The following USP37 variants were observed in gnomAD, a reference collection of about 807,000 sequenced individuals.
The protein encoded by USP37 is ubiquitin carboxyl-terminal hydrolase 37.
Under a neutral mutation model 124.0 loss-of-function variants are expected in USP37, and 27 were observed. The observed-to-expected ratio is 0.22, with a 90% confidence interval of 0.16 to 0.30. The LOEUF (loss-of-function observed/expected upper bound fraction) is 0.30, where lower values mean the gene tolerates loss of function less well. Among genes scored for constraint, USP37 ranks in the 10% least tolerant of loss-of-function variants. USP37 has a pLI of 1.00. For synonymous variants in USP37, 365 were observed against 388.0 expected, an observed-to-expected ratio of 0.94 and a Z score of 0.70; for missense variants, 889 against 1,140.4, an observed-to-expected ratio of 0.78 and a Z score of 3.17.
At chr2:218,470,801 G>GC (rs2106415394) in intron 20 of USP37, among the ~76,000 whole-genome samples, 1 of 152,266 alleles carries the variant, frequency 6.6e-6, no homozygotes. Flanking sequence ...TCACAAAACA[G>GC]CCCAACTGTT....
At chr2:218,503,438 T>C (rs1689501317) in intron 11 of USP37, among the ~76,000 whole-genome samples, 1 of 152,224 alleles carries the variant, frequency 6.6e-6, no homozygotes. Context: ...TAAAATGGGC[T>C]GGGCGCGGTG....
At chr2:218,525,657 T>G (rs1392022701) in intron 10 of USP37, among the ~76,000 whole-genome samples, 1 of 152,244 alleles carries the variant, frequency 6.6e-6, no homozygotes, top group African/African-American at 2.4e-5. Flanking sequence ...ATGTATTTTC[T>G]TTCGGGTAGC....
intron 14 of USP37, among the ~76,000 whole-genome samples, chr2:218,493,058 C>T (rs558020984): frequency 6.6e-6 from 1 of 151,868 alleles, no homozygotes; most frequent in Non-Finnish European, 1.5e-5. Context: ...TATTAATACA[C>T]TGAATTGCCT....
intron 1 of USP37, among the ~76,000 whole-genome samples, chr2:218,567,431 AAC>A (rs576900890): frequency 8.1e-4 from 123 of 152,286 alleles, no homozygotes; most frequent in Non-Finnish European, 1.4e-3. Context: ...GCAGATGACA[AAC>A]ACATACACAC....
At chr2:218,459,605 TG>T (rs1413497531) in intron 23 of USP37, among the ~76,000 whole-genome samples, 184 bp downstream of exon 23, 3 of 152,296 alleles carry the variant, frequency 2.0e-5, no homozygotes, top group African/African-American at 7.2e-5. Context: ...TTTGTTTGTT[TG>T]TTTTTTTAAA....
At chr2:218,565,237 TC>T (rs1489491646) in intron 1 of USP37, among the ~76,000 whole-genome samples, 1 of 152,212 alleles carries the variant, frequency 6.6e-6, no homozygotes, top group Non-Finnish European at 1.5e-5. Flanking sequence ...ATTAATATTT[TC>T]TTTGTCATTC....
At chr2:218,547,351 T>C (rs1248524391) in intron 6 of USP37, among the ~76,000 whole-genome samples, 2 of 152,106 alleles carry the variant, frequency 1.3e-5, no homozygotes, top group Admixed American at 1.3e-4. Context: ...AAAATACAAA[T>C]GGAGATACAT....
intron 22 of USP37, 101 bp downstream of exon 22, chr2:218,463,186 ACACACACACACACACACAC>A (rs1690118666): frequency 1.2e-5 from 1 of 80,754 alleles, no homozygotes; most frequent in African/African-American, 1.7e-4. Flanking sequence ...ACACACACAC[ACACACACACACACACACAC>A]ACACACACAC....
intron 10 of USP37, among the ~76,000 whole-genome samples, chr2:218,517,963 C>T (rs1416534552): frequency 6.6e-6 from 1 of 151,928 alleles, no homozygotes; most frequent in Non-Finnish European, 1.5e-5. Flanking sequence ...TTCCCCCCAC[C>T]CCTTTTTTTT....
intron 14 of USP37, among the ~76,000 whole-genome samples, chr2:218,491,242 T>C (rs976257428): frequency 1.3e-5 from 2 of 152,142 alleles, no homozygotes; most frequent in Non-Finnish European, 2.9e-5. Context: ...GATGTATACT[T>C]CCTACTAGCC....
chr2:218,487,507 C>CA (rs754295365), intron 15 of USP37, among the ~76,000 whole-genome samples: 1 of 151,990 alleles, frequency 6.6e-6, no homozygotes, highest in Non-Finnish European at 1.5e-5. Context: ...TGCAACCTCC[C>CA]ACTCCCAGGT....
At chr2:218,562,025 T>G (rs1233606562) in intron 2 of USP37, among the ~76,000 whole-genome samples, 1 of 152,210 alleles carries the variant, frequency 6.6e-6, no homozygotes, top group African/African-American at 2.4e-5. Flanking sequence ...ATTTACACAT[T>G]ACCCTCTTTA....
At chr2:218,471,328 T>G (rs981966311) in intron 20 of USP37, among the ~76,000 whole-genome samples, 1 of 152,208 alleles carries the variant, frequency 6.6e-6, no homozygotes, top group African/African-American at 2.4e-5. Flanking sequence ...TAATGACTTC[T>G]GTAAGTGGGC....
chr2:218,524,859 C>T (rs1690868450), intron 10 of USP37, among the ~76,000 whole-genome samples: 1 of 152,226 alleles, frequency 6.6e-6, no homozygotes, highest in Admixed American at 6.5e-5. Context: ...ATCCACCCGC[C>T]TTGGCCTCCC....
intron 10 of USP37, among the ~76,000 whole-genome samples, chr2:218,529,477 CAAAAAA>C (rs71403049): frequency 4.4e-5 from 5 of 112,484 alleles, no homozygotes; most frequent in African/African-American, 6.1e-5. Flanking sequence ...TGGTCTCAAA[CAAAAAA>C]AAAAAAAAAA....
chr2:218,460,413 T>C (rs1408507715), intron 22 of USP37, among the ~76,000 whole-genome samples: 2 of 152,288 alleles, frequency 1.3e-5, no homozygotes, highest in South Asian at 4.1e-4. Flanking sequence ...AGACATGGTA[T>C]CTGTAAAAGA....
intron 10 of USP37, among the ~76,000 whole-genome samples, chr2:218,524,196 G>A (rs2106017772): frequency 6.6e-6 from 1 of 152,190 alleles, no homozygotes; most frequent in African/African-American, 2.4e-5. Context: ...GTTCATAAGT[G>A]AAAAACTATA....
At chr2:218,515,768 G>C (rs564789003) in intron 10 of USP37, among the ~76,000 whole-genome samples, 1 of 152,146 alleles carries the variant, frequency 6.6e-6, no homozygotes, top group Non-Finnish European at 1.5e-5. Flanking sequence ...GTAACTTACA[G>C]AACGGGAGAA....
At chr2:218,473,514 T>C (rs1690803324) in intron 20 of USP37, among the ~76,000 whole-genome samples, 2 of 152,206 alleles carry the variant, frequency 1.3e-5, no homozygotes, top group Non-Finnish European at 2.9e-5. Context: ...TAGAAAATAA[T>C]TTCCTGATAT....
Sources: allele counts gnomAD v4.1 joint callset (sites outside exome capture counted in the v4.1 genomes callset), GRCh38; gene constraint gnomAD v4.1.1; transcripts MANE v1.5; gene names NCBI Gene and HGNC (gene_info 2026-07-23, HGNC 2026-07-21).